Variants in PTPN9 observed in about 807,000 individuals in gnomAD.
PTPN9 encodes tyrosine-protein phosphatase non-receptor type 9.
Under a neutral mutation model 69.8 loss-of-function variants are expected in PTPN9, and 26 were observed. That is an observed-to-expected ratio of 0.37 (90% confidence interval 0.27 to 0.52). The LOEUF is 0.52. Ranked by LOEUF, PTPN9 falls within the 20% of genes least tolerant of loss-of-function variation. The pLI is 0.91. For missense variants in PTPN9, 549 were observed against 740.3 expected (o/e 0.74, Z 3.00); for synonymous variants, 274 against 272.5 (o/e 1.01, Z -0.05).
At chr15:75,512,688 TAC>T (rs1196119790) in intron 5 of PTPN9, 1 of 193,982 alleles carries the variant, frequency 5.2e-6, no homozygotes, top group African/African-American at 2.4e-5. Flanking sequence ...GAGGGTGCTA[TAC>T]AGTCATTTAT....
intron 1 of PTPN9, among the ~76,000 whole-genome samples, chr15:75,566,068 T>C (rs1426588169): frequency 6.6e-6 from 1 of 152,136 alleles, no homozygotes; most frequent in Admixed American, 6.6e-5. Context: ...CACTATTTAT[T>C]GAGCATTTTG....
At chr15:75,472,779 C>A (rs201874264) in intron 10 of PTPN9, among the ~76,000 whole-genome samples, 39 of 136,168 alleles carry the variant, frequency 2.9e-4, no homozygotes, top group Admixed American at 5.2e-4. Flanking sequence ...ACACCATCTC[C>A]AAAAAAAAAA....
chr15:75,539,761 T>C (rs2075000441), intron 1 of PTPN9, among the ~76,000 whole-genome samples: 1 of 151,372 alleles, frequency 6.6e-6, no homozygotes, highest in Non-Finnish European at 1.5e-5. Context: ...AACCTTGGCC[T>C]CCCAGGTTCA....
At chr15:75,511,998 A>G (rs1033659983) in intron 5 of PTPN9, among the ~76,000 whole-genome samples, 2 of 151,796 alleles carry the variant, frequency 1.3e-5, no homozygotes, top group Admixed American at 1.3e-4. Context: ...GTGTGCCATC[A>G]CGCCTGGCTA....
chr15:75,486,099 C>CAAAA (rs571404981), intron 8 of PTPN9, among the ~76,000 whole-genome samples: 1 of 86,992 alleles, frequency 1.1e-5, no homozygotes, highest in Non-Finnish European at 2.3e-5. Context: ...GACTCCAACT[C>CAAAA]AAAAAAAAAA....
chr15:75,527,044 T>C, intron 2 of PTPN9, 74 bp downstream of exon 2: 1 of 1,551,284 alleles, frequency 6.4e-7, no homozygotes, highest in Non-Finnish European at 8.9e-7. Context: ...CCAATGTGTG[T>C]GTCGAGCATG....
In PTPN9 at chr15:75,520,480, AGATGTGTG is replaced by A. The variant is rs1472661814; in HGVS notation, c.422+2633_422+2640del. On this transcript the variant is annotated intron_variant, in intron 4 of 12. Transcript: ENST00000618819. ...TAGATAGATAGATAGATAGATAGAT[AGATGTGTG>A]TGTGTTTATATATGTGTGTATATAT... Among the ~76,000 whole-genome samples, 5 of 95,684 alleles carry A rather than the reference AGATGTGTG, an allele frequency of 5.2e-5. No homozygotes were observed. The East Asian group carries it at 1.5e-3, about 29-fold the overall frequency. 62.8% of individuals were successfully genotyped at this position (95,684 alleles called of 152,430 possible). A position where few individuals can be genotyped will look rare whatever the true frequency, so the allele number is the denominator to read the frequency against.
chr15:75,472,440 C>T (rs181716646), intron 10 of PTPN9, among the ~76,000 whole-genome samples: 2 of 147,904 alleles, frequency 1.4e-5, no homozygotes, highest in African/African-American at 5.0e-5. Context: ...CCAGCCTGGG[C>T]GACAGTGAGA....
In PTPN9 at chr15:75,463,494, C is replaced by G. The variant is rs558907240; in HGVS notation, c.*5275G>C. ...GGGCACTGTACCGTTTTTTCCAACACCCCCAGCTAGGATTCTAGTGGAGTT... is the reference window on the plus strand; with the variant it reads ...GGGCACTGTACCGTTTTTTCCAACAGCCCCAGCTAGGATTCTAGTGGAGTT... On this transcript the variant is annotated 3_prime_UTR_variant, in exon 13 of 13. Coordinates refer to ENST00000618819, the MANE Select transcript of PTPN9 (RefSeq NM_002833.4). 1 of 152,080 alleles carries G rather than the reference C, an allele frequency of 6.6e-6. No individual in the cohort carries two copies. The highest frequency in any genetic ancestry group is 1.5e-5 in the Non-Finnish European group (1 of 68,026). The allele number at this position is 152,080 out of a possible 1,614,324, so 9.4% of individuals were successfully genotyped here.
At position 75,470,810 on chromosome 15, in the gene PTPN9, C is replaced by G; in HGVS notation, c.1229G>C (p.Arg410Thr). The G allele has an allele frequency of 1.2e-6, 2 of 1,614,144 alleles. No individual in the cohort carries two copies. The highest frequency in any genetic ancestry group is 1.7e-6 in the Non-Finnish European group (2 of 1,180,020). ...TAAAGGCCAGTACTGGCCACACTTT[C>G]TCCTGCCGCCTTCCTCAAAGCTGAA... ...MTTRFEEGGR[R>T]KCGQYWPLEK... The change falls in exon 11 of 13, where the codon AGA becomes ACA. Residue 410 changes from arginine (R) to threonine (T), a missense_variant. Transcript: ENST00000618819.
chr15:75,482,438 G>A (rs1340518042), intron 8 of PTPN9, among the ~76,000 whole-genome samples: 7 of 152,098 alleles, frequency 4.6e-5, no homozygotes, highest in East Asian at 1.9e-4. Flanking sequence ...GGTGGCGGGC[G>A]CCTGTAGTCC....
intron 1 of PTPN9, among the ~76,000 whole-genome samples, chr15:75,531,526 G>C (rs1181912805): frequency 6.6e-6 from 1 of 151,968 alleles, no homozygotes; most frequent in Non-Finnish European, 1.5e-5. Flanking sequence ...TAAAACTCTA[G>C]CCAGTCAGTA....
chr15:75,516,640 T>C (rs1567497770), intron 5 of PTPN9, among the ~76,000 whole-genome samples: 1 of 151,772 alleles, frequency 6.6e-6, no homozygotes, highest in Non-Finnish European at 1.5e-5. Flanking sequence ...ATACACACCT[T>C]ATACACATAA....
At chr15:75,504,259 A>G (rs1411092203) in intron 7 of PTPN9, among the ~76,000 whole-genome samples, 11 of 82,346 alleles carry the variant, frequency 1.3e-4, no homozygotes, top group East Asian at 8.5e-4. Context: ...GAGGGAGGTG[A>G]GGTCAGCCCC....
chr15:75,534,954 CAAGA>C (rs888724480), intron 1 of PTPN9, among the ~76,000 whole-genome samples: 8 of 151,486 alleles, frequency 5.3e-5, no homozygotes, highest in African/African-American at 1.9e-4. Context: ...GCCTGGGTGA[CAAGA>C]AAGAAAGAAA....
At chr15:75,532,403 A>G (rs79945439) in intron 1 of PTPN9, among the ~76,000 whole-genome samples, 13 of 148,690 alleles carry the variant, frequency 8.7e-5, no homozygotes, top group African/African-American at 2.4e-5. Flanking sequence ...CTCTGTCTCA[A>G]AAAAAAAAAA....
At chr15:75,486,856 C>A (rs1187885348) in intron 8 of PTPN9, among the ~76,000 whole-genome samples, 1 of 145,154 alleles carries the variant, frequency 6.9e-6, no homozygotes, top group Non-Finnish European at 1.5e-5. Context: ...GCGATCTCGG[C>A]TTACTGCAAG....
At chr15:75,533,653 C>A (rs1477044043) in intron 1 of PTPN9, among the ~76,000 whole-genome samples, 2 of 152,136 alleles carry the variant, frequency 1.3e-5, no homozygotes, top group African/African-American at 4.8e-5. Flanking sequence ...AAACAAGTTT[C>A]TTGACTATGG....
chr15:75,546,918 G>A (rs2075035641), intron 1 of PTPN9, among the ~76,000 whole-genome samples: 1 of 152,040 alleles, frequency 6.6e-6, no homozygotes, highest in Non-Finnish European at 1.5e-5. Context: ...AGTTAAGAAT[G>A]CAAGTTCTAG....
Sources: allele counts gnomAD v4.1 joint callset (sites outside exome capture counted in the v4.1 genomes callset), GRCh38; gene constraint gnomAD v4.1.1; transcripts MANE v1.5; gene names NCBI Gene and HGNC (gene_info 2026-07-23, HGNC 2026-07-21).